Variants in MAF observed in about 807,000 individuals in gnomAD.
The protein encoded by MAF is MAF bZIP transcription factor, also known as transcription factor Maf.
MAF carries 10 observed loss-of-function variants against 22.0 expected under a neutral mutation model. That is an observed-to-expected ratio of 0.45 (90% CI 0.28 to 0.77). The LOEUF is 0.77. Ranked by LOEUF, MAF falls within the 30% of genes least tolerant of loss-of-function variation. The probability of loss-of-function intolerance (pLI) is 0.12; values close to 1 mark genes in which losing one functional copy is unlikely to be tolerated. For missense variants in MAF, 544 were observed against 548.4 expected, an observed-to-expected ratio of 0.99 and a Z score of 0.08; for synonymous variants, 337 against 255.8, an observed-to-expected ratio of 1.32 and a Z score of -3.03.
the MAF span, among the ~76,000 whole-genome samples, chr16:79,497,909 G>C: frequency 1.3e-5 from 2 of 152,180 alleles, no homozygotes; most frequent in African/African-American, 4.8e-5. Flanking sequence ...TATTTCACCA[G>C]TCTTCTAGCA....
the MAF span, among the ~76,000 whole-genome samples, chr16:79,214,864 C>G: frequency 3.3e-5 from 5 of 151,308 alleles, no homozygotes; most frequent in African/African-American, 1.2e-4. Context: ...GTGCCCACAA[C>G]CACACCTGGC....
the MAF span, among the ~76,000 whole-genome samples, chr16:79,570,350 C>T: frequency 6.7e-6 from 1 of 150,184 alleles, no homozygotes; most frequent in Non-Finnish European, 1.5e-5. Context: ...CCCAGTCTTT[C>T]AGATTCCAAA....
At chr16:79,557,175 T>TTTTGTTTGA in the MAF span, among the ~76,000 whole-genome samples, 4 of 151,046 alleles carry the variant, frequency 2.6e-5, no homozygotes, top group South Asian at 8.3e-4. Context: ...TAGTTTTTTT[T>TTTTGTTTGA]ATTCAATTCC....
the MAF span, among the ~76,000 whole-genome samples, chr16:79,454,177 A>G: frequency 0.22 from 33,754 of 152,164 alleles, 4,831 homozygotes; most frequent in African/African-American, 0.4. Context: ...ATTGCTAAAG[A>G]TAAGACAGCA....
chr16:79,314,591 A>C, the MAF span, among the ~76,000 whole-genome samples: 1 of 152,184 alleles, frequency 6.6e-6, no homozygotes, highest in East Asian at 1.9e-4. Flanking sequence ...TTCCCAGTCA[A>C]GTGAGCACCA....
chr16:79,406,158 TG>T, the MAF span, among the ~76,000 whole-genome samples: 1 of 150,552 alleles, frequency 6.6e-6, no homozygotes, highest in Non-Finnish European at 1.5e-5. Context: ...GGCCTTTGGC[TG>T]TTCCCTGCTG....
At chr16:79,593,817 C>T, downstream of MAF, 1 of 177,212 alleles carries the variant, frequency 5.6e-6, no homozygotes, top group Non-Finnish European at 1.2e-5. Flanking sequence ...GAAAAGGGAG[C>T]AAAAAATCAC....
At chr16:79,225,569 TATC>T in the MAF span, among the ~76,000 whole-genome samples, 13 of 152,152 alleles carry the variant, frequency 8.5e-5, no homozygotes, top group Admixed American at 5.9e-4. Flanking sequence ...CAAAAGAAAC[TATC>T]ATCAGAGTGA....
the MAF span, among the ~76,000 whole-genome samples, chr16:79,466,795 G>A: frequency 2.0e-5 from 3 of 152,174 alleles, no homozygotes; most frequent in African/African-American, 2.4e-5. Flanking sequence ...AACAGACACC[G>A]GGTATTTAAG....
chr16:79,588,644 T>C (rs1327910573), intron 1 of MAF, among the ~76,000 whole-genome samples: 2 of 151,902 alleles, frequency 1.3e-5, no homozygotes, highest in African/African-American at 2.4e-5. Flanking sequence ...GTATTTTTAG[T>C]AGAGACCGGG....
chr16:79,203,363 T>A, the MAF span: 4 of 152,206 alleles, frequency 2.6e-5, no homozygotes, highest in Admixed American at 2.6e-4. Flanking sequence ...CGATTTGAAA[T>A]AGCGGGGCTG....
At chr16:79,503,499 C>T in the MAF span, among the ~76,000 whole-genome samples, 2 of 152,182 alleles carry the variant, frequency 1.3e-5, no homozygotes, top group Admixed American at 6.5e-5. Context: ...AAAATCTCTT[C>T]TCTTTTCTTT....
the MAF span, among the ~76,000 whole-genome samples, chr16:79,232,324 T>C: frequency 6.6e-6 from 1 of 152,142 alleles, no homozygotes; most frequent in Non-Finnish European, 1.5e-5. Context: ...TGGTTTCTTC[T>C]TACCTTCACA....
At chr16:79,218,141 C>T in the MAF span, among the ~76,000 whole-genome samples, 2 of 151,716 alleles carry the variant, frequency 1.3e-5, no homozygotes, top group Non-Finnish European at 2.9e-5. Context: ...TTCATATAAT[C>T]ACTGAACAAA....
the MAF span, among the ~76,000 whole-genome samples, chr16:79,532,363 C>T: frequency 6.6e-6 from 1 of 152,094 alleles, no homozygotes; most frequent in African/African-American, 2.4e-5. Context: ...AGAGTTGGTT[C>T]TAGAGAAGCA....
At chr16:79,359,994 A>G in the MAF span, among the ~76,000 whole-genome samples, 1 of 152,082 alleles carries the variant, frequency 6.6e-6, no homozygotes, top group South Asian at 2.1e-4. Flanking sequence ...TATTGTTCTG[A>G]GTAGGACCAG....
At chr16:79,473,080 G>C in the MAF span, among the ~76,000 whole-genome samples, 1 of 152,096 alleles carries the variant, frequency 6.6e-6, no homozygotes, top group Non-Finnish European at 1.5e-5. Context: ...TAGAGTGAGG[G>C]GACATGGAAC....
the MAF span, among the ~76,000 whole-genome samples, chr16:79,271,088 T>TG: frequency 2.1e-3 from 299 of 143,094 alleles, 3 homozygotes; most frequent in Middle Eastern, 7.4e-3. Flanking sequence ...TTTTTATTTT[T>TG]TATTTTTAGT....
chr16:79,212,406 G>A, the MAF span: 2 of 421,594 alleles, frequency 4.7e-6, no homozygotes, highest in South Asian at 4.8e-5. Flanking sequence ...ACTTGTCATA[G>A]ACTCCTTTGC....
Sources: allele counts gnomAD v4.1 joint callset (sites outside exome capture counted in the v4.1 genomes callset), GRCh38; gene constraint gnomAD v4.1.1; transcripts MANE v1.5; gene names NCBI Gene and HGNC (gene_info 2026-07-23, HGNC 2026-07-21).